The following CDH12 variants were observed in gnomAD, a reference collection of about 807,000 sequenced individuals.
CDH12 encodes the protein cadherin 12, also known as cadherin-12.
In CDH12, 41 loss-of-function variants were observed where a neutral mutation model predicts 74.1. The observed-to-expected ratio is 0.55, with a 90% CI of 0.43 to 0.72. CDH12 has a LOEUF of 0.72. CDH12 is among the 30% of genes least tolerant of loss of function. The probability of loss-of-function intolerance (pLI) is 0.00; values close to 1 mark genes in which losing one functional copy is unlikely to be tolerated. For missense variants in CDH12, 945 were observed against 977.2 expected, an observed-to-expected ratio of 0.97 and a Z score of 0.44; for synonymous variants, 399 against 355.0, an observed-to-expected ratio of 1.12 and a Z score of -1.39.
chr5:22,244,409 C>T (rs1283413343), intron 3 of CDH12, among the ~76,000 whole-genome samples: 1 of 141,840 alleles, frequency 7.1e-6, no homozygotes, highest in Non-Finnish European at 1.5e-5. Context: ...GCACAATAAT[C>T]GCTTGAACCC....
At chr5:22,085,561 C>T (rs181570299) in intron 4 of CDH12, among the ~76,000 whole-genome samples, 2 of 152,044 alleles carry the variant, frequency 1.3e-5, no homozygotes, top group African/African-American at 4.8e-5. Flanking sequence ...TTCAAGGGCA[C>T]TTCTTAAAAT....
intron 1 of CDH12, among the ~76,000 whole-genome samples, chr5:22,706,710 A>C (rs1743026538): frequency 6.6e-6 from 1 of 152,150 alleles, no homozygotes; most frequent in African/African-American, 2.4e-5. Flanking sequence ...TAGAATGAAC[A>C]TCTTTGTATA....
chr5:22,431,773 A>G (rs1317880573), intron 2 of CDH12, among the ~76,000 whole-genome samples: 1 of 152,216 alleles, frequency 6.6e-6, no homozygotes, highest in African/African-American at 2.4e-5. Flanking sequence ...TTTAAAAAGT[A>G]AAAAGAAACA....
At chr5:21,894,440 G>A (rs1321962234) in intron 6 of CDH12, among the ~76,000 whole-genome samples, 1 of 148,462 alleles carries the variant, frequency 6.7e-6, no homozygotes, top group Non-Finnish European at 1.5e-5. Flanking sequence ...AATATTCCCA[G>A]GACACTGATT....
At chr5:22,078,185 A>G (rs989745055) in intron 5 of CDH12, among the ~76,000 whole-genome samples, 1 of 152,144 alleles carries the variant, frequency 6.6e-6, no homozygotes. Flanking sequence ...TCATGTCTTC[A>G]GCAAAGAATG....
chr5:21,800,430 G>T (rs534051402), intron 10 of CDH12, among the ~76,000 whole-genome samples: 2 of 152,222 alleles, frequency 1.3e-5, no homozygotes, highest in South Asian at 4.1e-4. Flanking sequence ...AAAAGATGGG[G>T]CATTTGGGAG....
intron 1 of CDH12, among the ~76,000 whole-genome samples, chr5:22,650,533 C>A (rs992890100): frequency 1.3e-5 from 2 of 151,920 alleles, no homozygotes; most frequent in African/African-American, 4.8e-5. Flanking sequence ...ATCATATGTA[C>A]ACACTTGCAA....
chr5:22,690,210 TTTTG>T (rs1354726093), intron 1 of CDH12, among the ~76,000 whole-genome samples: 1 of 152,118 alleles, frequency 6.6e-6, no homozygotes, highest in Non-Finnish European at 1.5e-5. Context: ...TGAAACATCT[TTTTG>T]TTTGTCTTTT....
intron 1 of CDH12, among the ~76,000 whole-genome samples, chr5:22,642,230 A>G (rs1739188941): frequency 6.6e-6 from 1 of 152,236 alleles, no homozygotes; most frequent in Admixed American, 6.5e-5. Context: ...GTAAGTTAAC[A>G]TTCTGGGTAG....
chr5:22,223,196 T>C (rs937156924), intron 3 of CDH12, among the ~76,000 whole-genome samples: 4 of 152,092 alleles, frequency 2.6e-5, no homozygotes, highest in South Asian at 4.2e-4. Flanking sequence ...AGTTCTGATG[T>C]TTTGGGGATT....
chr5:21,876,747 A>G (rs1330091209), intron 6 of CDH12, among the ~76,000 whole-genome samples: 1 of 152,174 alleles, frequency 6.6e-6, no homozygotes, highest in Non-Finnish European at 1.5e-5. Flanking sequence ...CCACAGCACT[A>G]TCTCCAATGC....
intron 5 of CDH12, among the ~76,000 whole-genome samples, chr5:22,035,621 C>G (rs889681490): frequency 1.3e-5 from 2 of 151,518 alleles, no homozygotes; most frequent in Admixed American, 6.6e-5. Context: ...CATCAGGTGT[C>G]CTAGAACTGA....
intron 1 of CDH12, among the ~76,000 whole-genome samples, chr5:22,651,175 T>C (rs1453261138): frequency 6.6e-6 from 1 of 152,052 alleles, no homozygotes; most frequent in Non-Finnish European, 1.5e-5. Context: ...AAATGTTACC[T>C]TCTCAGACTT....
intron 3 of CDH12, among the ~76,000 whole-genome samples, chr5:22,263,150 C>A (rs1355859839): frequency 6.6e-6 from 1 of 152,016 alleles, no homozygotes; most frequent in Non-Finnish European, 1.5e-5. Context: ...AGATATACTT[C>A]CAAATGTAAA....
chr5:22,655,532 T>C (rs1401769852), intron 1 of CDH12, among the ~76,000 whole-genome samples: 2 of 152,262 alleles, frequency 1.3e-5, no homozygotes, highest in African/African-American at 2.4e-5. Flanking sequence ...CAAGATCCAT[T>C]TTGCATTTGT....
intron 6 of CDH12, chr5:21,882,577 C>T (rs763062506): frequency 1.4e-4 from 214 of 1,544,164 alleles, no homozygotes; most frequent in Non-Finnish European, 1.8e-4. Context: ...CCTGCAGCCG[C>T]CCCACAGAAA....
chr5:22,807,004 T>C lies in CDH12; in HGVS notation c.-523+46054A>G, dbSNP rs2126436316. ...AGATTCCATTTGTCAATTTTGGCTT[T>C]TGTTGTCATTACTTTTGGTGTTTTA... is the stretch of plus-strand genomic sequence containing the variant. On this transcript the variant is annotated intron_variant, in intron 1 of 14. Coordinates refer to ENST00000382254, the MANE Select transcript of CDH12 (RefSeq NM_004061.5). Among the ~76,000 whole-genome samples, 2 of 152,318 alleles carry C rather than the reference T, an allele frequency of 1.3e-5. 1 individual carries two copies. The highest frequency in any genetic ancestry group is 2.9e-5 in the Non-Finnish European group (2 of 68,032).
At chr5:21,763,376 C>A (rs1248327580) in intron 12 of CDH12, among the ~76,000 whole-genome samples, 1 of 152,056 alleles carries the variant, frequency 6.6e-6, no homozygotes, top group Non-Finnish European at 1.5e-5. Context: ...AATAGCTATA[C>A]AACTAGTAGA....
chr5:22,656,223 C>A (rs1740026139), intron 1 of CDH12, among the ~76,000 whole-genome samples: 1 of 152,090 alleles, frequency 6.6e-6, no homozygotes, highest in African/African-American at 2.4e-5. Context: ...ATTTTACACA[C>A]ATGTTCTGCA....
Sources: allele counts gnomAD v4.1 joint callset (sites outside exome capture counted in the v4.1 genomes callset), GRCh38; gene constraint gnomAD v4.1.1; transcripts MANE v1.5; gene names NCBI Gene and HGNC (gene_info 2026-07-23, HGNC 2026-07-21).